The following NF1 variants were observed in gnomAD, a reference collection of about 807,000 sequenced individuals.
The protein encoded by NF1 is neurofibromin 1.
In NF1, 122 loss-of-function variants were observed where a neutral mutation model predicts 325.7. The ratio of observed to expected loss-of-function variants is 0.37; its 90% CI spans 0.32 to 0.44. The LOEUF is 0.44. Among genes scored for constraint, NF1 ranks in the 20% least tolerant of loss-of-function variants. The pLI, the probability that NF1 is intolerant of heterozygous loss-of-function variation, is 1.00. For synonymous variants in NF1, 1,091 were observed against 1,186.0 expected, an observed-to-expected ratio of 0.92 and a Z score of 1.65; for missense variants, 2,140 against 3,415.4, an observed-to-expected ratio of 0.63 and a Z score of 9.31.
chr17:31,121,206 A>G (rs1389956072), intron 1 of NF1, among the ~76,000 whole-genome samples: 2 of 152,182 alleles, frequency 1.3e-5, no homozygotes, highest in African/African-American at 2.4e-5. Flanking sequence ...AAGAAATGCC[A>G]AAGAATACCT....
In NF1 at chr17:31,302,264, A is replaced by G. The variant is rs1238710881; in HGVS notation, c.4836-23556A>G. ...AAAGATATCAGACAACACTGTGGTCAGCTAATCAGCTCCCGTTTAATCTAA... is the reference window on the plus strand; with the variant it reads ...AAAGATATCAGACAACACTGTGGTCGGCTAATCAGCTCCCGTTTAATCTAA... On this transcript the variant is annotated intron_variant, in intron 36 of 57. Transcript: ENST00000358273. 2.6e-5 allele frequency among the ~76,000 whole-genome samples: 4 copies of G among 152,356 alleles called. No individual in the cohort carries two copies. The East Asian group carries it at 7.7e-4, about 29-fold the overall frequency.
intron 36 of NF1, among the ~76,000 whole-genome samples, chr17:31,272,998 G>T (rs1211655036): frequency 6.6e-6 from 1 of 152,046 alleles, no homozygotes; most frequent in Non-Finnish European, 1.5e-5. Flanking sequence ...GACTGAAAAA[G>T]AGCTTAATTG....
At chr17:31,285,709 G>A (rs2068213611) in intron 36 of NF1, among the ~76,000 whole-genome samples, 1 of 152,088 alleles carries the variant, frequency 6.6e-6, no homozygotes, top group Non-Finnish European at 1.5e-5. Context: ...AGAGTGTGGT[G>A]ATGAGAGCCT....
chr17:31,279,724 A>G (rs931705682), intron 36 of NF1, among the ~76,000 whole-genome samples: 2 of 152,198 alleles, frequency 1.3e-5, no homozygotes, highest in Admixed American at 6.5e-5. Flanking sequence ...TCTCTTCAAT[A>G]GTAAAATCTC....
chr17:31,375,843 T>TAGG lies in NF1; in HGVS notation c.*1689_*1690insGGA, dbSNP rs1408608763. The stretch of plus-strand genomic sequence containing the variant: ...TTGATACTCAGAAATAACAAGAATT[T>TAGG]AATTTTTTAAATTTGTTTACAGTCC... On this transcript the variant is annotated 3_prime_UTR_variant, in exon 58 of 58. Transcript: ENST00000358273. The TAGG allele has an allele frequency of 8.6e-6, 2 of 232,518 alleles. No individual in the cohort carries two copies. Among genetic ancestry groups the TAGG allele is most frequent in the Non-Finnish European group, 1.7e-5 (2 of 117,452 alleles). 14.4% of individuals were successfully genotyped at this position (232,518 alleles called of 1,614,324 possible).
chr17:31,163,282 C>T lies in NF1; in HGVS notation c.385C>T (p.Gln129Ter), dbSNP rs2143672195. 1 of 1,614,114 alleles carries T rather than the reference C, an allele frequency of 6.2e-7. No homozygotes were observed. The highest frequency in any genetic ancestry group is 8.5e-7 in the Non-Finnish European group (1 of 1,180,014). The change falls in exon 4 of 58, where the codon CAG (glutamine) becomes TAG (stop). Residue 129 changes from glutamine to a stop codon, truncating the protein, a stop_gained. Transcript: ENST00000358273. LOFTEE classifies it high-confidence loss of function. ...HFLHTCREGN[Q>*]HAAELRNSAS... ...TCTTCACACCTGTCGTGAAGGAAAC[C>T]AGCATGCAGCTGAACTTCGGAATTC...
At chr17:31,209,778 G>A (rs758477524) in intron 12 of NF1, among the ~76,000 whole-genome samples, 9 of 151,918 alleles carry the variant, frequency 5.9e-5, no homozygotes, top group Non-Finnish European at 1.0e-4. Context: ...TTAGCCTCCC[G>A]ACTAGCTGGG....
intron 36 of NF1, chr17:31,320,526 A>C (rs2069158727): frequency 2.7e-6 from 3 of 1,095,598 alleles, no homozygotes; most frequent in Non-Finnish European, 4.0e-6. Flanking sequence ...ATTAAAATAC[A>C]GAAATTGAAA....
rs755260088 is a variant in NF1, at chr17:31,352,349, G to A, written c.7550G>A (p.Arg2517Gln). 5.6e-6 allele frequency: 9 copies of A among 1,614,042 alleles called. No individual in the cohort carries two copies. The highest frequency in any genetic ancestry group is 6.8e-6 in the Non-Finnish European group (8 of 1,180,008). ...TYPTVGQTSPRARKSMSLDMG... is the reference protein window; with the variant it reads ...TYPTVGQTSPQARKSMSLDMG... ...CCAACTGTCGGCCAGACCAGTCCCC[G>A]AGCCAGGAAATCCATGAGCCTGGAC... Residue 2517 changes from arginine (R) to glutamine (Q), a missense_variant, in exon 51 of 58, where the codon CGA (arginine) becomes CAA (glutamine). Around this residue, in one of 10 missense-constraint regions of NF1, gnomAD observed 522 missense variants for 749.0 expected, o/e 0.70. Coordinates refer to ENST00000358273, the MANE Select transcript of NF1 (RefSeq NM_001042492.3).
chr17:31,119,665 T>C (rs1039256650), intron 1 of NF1, among the ~76,000 whole-genome samples: 1 of 152,190 alleles, frequency 6.6e-6, no homozygotes, highest in Non-Finnish European at 1.5e-5. Flanking sequence ...TTTGGTGTTT[T>C]AGTCATGAAG....
At chr17:31,328,860 A>G (rs1460426204) in intron 38 of NF1, among the ~76,000 whole-genome samples, 1 of 152,222 alleles carries the variant, frequency 6.6e-6, no homozygotes, top group African/African-American at 2.4e-5. Context: ...GAAATTGTAC[A>G]TAAGATTTTG....
rs60249232 is a variant in NF1, at chr17:31,361,081, CAAAAAAAAAA to C, written c.8377+396_8377+405del. 1.7e-4 allele frequency: 8 copies of C among 46,546 alleles called. No homozygotes were observed. In the East Asian group the frequency reaches 2.5e-3, roughly 14 times the overall value. 2.9% of individuals were successfully genotyped at this position (46,546 alleles called of 1,614,324 possible). The stretch of plus-strand genomic sequence containing the variant: ...CTGTCTCTGATACAGCATACTATAT[CAAAAAAAAAA>C]AAAAAAAAAAAAAAAAAGAAGAAGA... On this transcript the variant is annotated intron_variant, in intron 57 of 57. Transcript: ENST00000358273.
intron 48 of NF1, among the ~76,000 whole-genome samples, 186 bp downstream of exon 48, chr17:31,343,321 G>T (rs754366406): frequency 3.9e-5 from 6 of 152,126 alleles, no homozygotes; most frequent in Admixed American, 1.3e-4. Flanking sequence ...GAGGCAGGAG[G>T]ATCACTTGAG....
At chr17:31,337,739 A>G in intron 43 of NF1, 80 bp from the exon 44 acceptor site, 3 of 1,496,338 alleles carry the variant, frequency 2.0e-6, no homozygotes, top group Non-Finnish European at 2.8e-6. Flanking sequence ...AGGTCACTTA[A>G]TGACATCATA....
intron 48 of NF1, chr17:31,346,081 G>C (rs201539775): frequency 1.3e-6 from 2 of 1,593,296 alleles, no homozygotes; most frequent in Non-Finnish European, 1.7e-6. Context: ...TACAAGAGCC[G>C]AGGAGTGCTC....
At chr17:31,177,807 A>T (rs1358708335) in intron 5 of NF1, among the ~76,000 whole-genome samples, 2 of 152,046 alleles carry the variant, frequency 1.3e-5, no homozygotes, top group African/African-American at 2.4e-5. Flanking sequence ...AAGCGAGAAG[A>T]CAAGATTAGA....
At chr17:31,227,467 A>T (rs1415946544) in intron 19 of NF1, 56 bp from the exon 20 acceptor site, 1 of 1,574,020 alleles carries the variant, frequency 6.4e-7, no homozygotes, top group East Asian at 2.2e-5. Flanking sequence ...GCTGTAGCTG[A>T]TTGATGTTTA....
rs2069895178 is a variant in NF1 at position 31,343,814 on chromosome 17, G to C, written c.7189+679G>C. ...CTACAAAAAATAAAAACATTAGCCA[G>C]GTGCGGTGGCACATGCCTATAGTGC... On this transcript the variant is annotated intron_variant, in intron 48 of 57. Coordinates refer to ENST00000358273, the MANE Select transcript of NF1 (RefSeq NM_001042492.3). Among the ~76,000 whole-genome samples the C allele has an allele frequency of 2.6e-5, 4 of 152,192 alleles. No individual in the cohort carries two copies. The South Asian group carries it at 8.3e-4, about 32-fold the overall frequency.
In NF1 at chr17:31,134,916, A is replaced by G. The variant is rs1253895153; in HGVS notation, c.61-21067A>G. Among the ~76,000 whole-genome samples, 3 of 152,276 alleles carry G rather than the reference A, an allele frequency of 2.0e-5. No homozygotes were observed. In the East Asian group the frequency reaches 5.8e-4, roughly 29 times the overall value. On this transcript the variant is annotated intron_variant, in intron 1 of 57. Transcript: ENST00000358273. Reference sequence around the variant, plus strand: ...GGTTATGCAGAACAACCCGAATACCAGATGAGAGAGGATGACACACGGGTG... The same window carrying G: ...GGTTATGCAGAACAACCCGAATACCGGATGAGAGAGGATGACACACGGGTG...
Sources: allele counts gnomAD v4.1 joint callset (sites outside exome capture counted in the v4.1 genomes callset), GRCh38; gene constraint gnomAD v4.1.1; regional missense constraint gnomAD v4.1.1; transcripts MANE v1.5; gene names NCBI Gene and HGNC (gene_info 2026-07-23, HGNC 2026-07-21).